The following GABRB3 variants were observed in gnomAD, a reference collection of about 807,000 sequenced individuals.
The protein encoded by GABRB3 is gamma-aminobutyric acid type A receptor subunit beta3.
A neutral mutation model predicts 52.1 loss-of-function variants in GABRB3; 14 were observed. That is an observed-to-expected ratio of 0.27 (90% confidence interval 0.18 to 0.42). The LOEUF (loss-of-function observed/expected upper bound fraction) is 0.42, where lower values mean the gene tolerates loss of function less well. Ranked by LOEUF, GABRB3 falls within the 10% of genes least tolerant of loss-of-function variation. The pLI, the probability that GABRB3 is intolerant of heterozygous loss-of-function variation, is 1.00. For synonymous variants in GABRB3, 260 were observed against 232.3 expected, an observed-to-expected ratio of 1.12 and a Z score of -1.08; for missense variants, 307 against 609.1, an observed-to-expected ratio of 0.50 and a Z score of 5.22.
rs1555400774 is a variant in GABRB3 at position 26,554,041 on chromosome 15, T to TTATATATATATATATATTTA, written c.1081-5908_1081-5907insTAAATATATATATATATATA. ...ACTATTTATATATATATATATTTAT[T>TTATATATATATATATATTTA]TATTTATATTTATTTATATATAAAG... is the stretch of plus-strand genomic sequence containing the variant. On this transcript the variant is annotated intron_variant, in intron 8 of 8. Transcript: ENST00000311550. Among the ~76,000 whole-genome samples the TTATATATATATATATATTTA allele has an allele frequency of 8.1e-5, 5 of 62,106 alleles. 1 individual carries two copies. Among genetic ancestry groups the TTATATATATATATATATTTA allele is most frequent in the Non-Finnish European group, 1.3e-4 (4 of 31,714 alleles). 40.7% of individuals were successfully genotyped at this position (62,106 alleles called of 152,430 possible). A position where few individuals can be genotyped will look rare whatever the true frequency, so the allele number is the denominator to read the frequency against.
At chr15:26,738,213 G>C (rs751342585) in intron 3 of GABRB3, among the ~76,000 whole-genome samples, 77 of 152,220 alleles carry the variant, frequency 5.1e-4, no homozygotes, top group Non-Finnish European at 9.7e-4. Context: ...CTCCCACGTA[G>C]CTGGGACTAC....
chr15:26,697,476 G>A (rs1021688408), intron 3 of GABRB3, among the ~76,000 whole-genome samples: 6 of 152,068 alleles, frequency 3.9e-5, no homozygotes, highest in African/African-American at 1.4e-4. Flanking sequence ...TCCTACCCCT[G>A]CTGAGAGTGG....
chr15:26,664,704 G>GTTTTTTTTTTTTTTTTTTTTTTTTTTGT (rs1162139952), intron 3 of GABRB3, among the ~76,000 whole-genome samples: 1 of 95,224 alleles, frequency 1.1e-5, no homozygotes, highest in Non-Finnish European at 1.9e-5. Context: ...TCTTTTCTTT[G>GTTTTTTTTTTTTTTTTTTTTTTTTTTGT]TTTTTTTTTT....
chr15:26,685,743 C>T (rs1368741834), intron 3 of GABRB3, among the ~76,000 whole-genome samples: 1 of 151,394 alleles, frequency 6.6e-6, no homozygotes, highest in Non-Finnish European at 1.5e-5. Flanking sequence ...TAGGAAAGAC[C>T]CGCAAATGTA....
intron 3 of GABRB3, chr15:26,624,076 T>A (rs1892587753): frequency 6.9e-6 from 3 of 435,952 alleles, no homozygotes; most frequent in South Asian, 1.9e-4. Context: ...TGCAGAGGCC[T>A]CCGAGGAGTG....
At chr15:26,684,822 T>C (rs1162703938) in intron 3 of GABRB3, among the ~76,000 whole-genome samples, 1 of 152,106 alleles carries the variant, frequency 6.6e-6, no homozygotes, top group Non-Finnish European at 1.5e-5. Flanking sequence ...ACAACCACAG[T>C]GGTAAGATCA....
Position 26,621,066 on chromosome 15 carries a change from G to A in GABRB3, c.461+248C>T, listed in dbSNP as rs908187376. ...TGAGGGAATCTGTGTTCTTAGACAT[G>A]GCAATCCAATTATATACAATTGATC... On this transcript the variant is annotated intron_variant, in intron 4 of 8. Coordinates refer to ENST00000311550, the MANE Select transcript of GABRB3 (RefSeq NM_000814.6). This position sits in a 1 kb window ranked among gnomAD's most constrained non-coding sequence, Gnocchi z 4.1. 2.3e-5 allele frequency among the ~76,000 whole-genome samples: 3 copies of A among 131,908 alleles called. No individual in the cohort carries two copies. The highest frequency in any genetic ancestry group is 7.8e-5 in the African/African-American group (3 of 38,518). The allele number at this position is 131,908 out of a possible 152,430, so 86.5% of individuals were successfully genotyped here.
At chr15:26,585,104 C>T (rs1673314376) in intron 4 of GABRB3, among the ~76,000 whole-genome samples, 1 of 152,142 alleles carries the variant, frequency 6.6e-6, no homozygotes, top group African/African-American at 2.4e-5. Context: ...GTAGTTGTGC[C>T]CCAGGCCACA....
intron 3 of GABRB3, among the ~76,000 whole-genome samples, chr15:26,745,304 T>C (rs1464419058): frequency 1.3e-5 from 2 of 152,196 alleles, no homozygotes; most frequent in Non-Finnish European, 2.9e-5. Context: ...ATTTTTTTAA[T>C]TTTGAAAGAA....
At chr15:26,647,922 T>A (rs1887061086) in intron 3 of GABRB3, among the ~76,000 whole-genome samples, 1 of 152,190 alleles carries the variant, frequency 6.6e-6, no homozygotes, top group Non-Finnish European at 1.5e-5. Flanking sequence ...AACTAACGGG[T>A]TACCCTGGTT....
In GABRB3 at chr15:26,592,300, C is replaced by T. The variant is rs182169511; in HGVS notation, c.462-8886G>A. Among the ~76,000 whole-genome samples, 1,089 of 152,318 alleles carry T rather than the reference C, an allele frequency of 7.1e-3. 36 individuals carry two copies. The highest frequency in any genetic ancestry group is 0.063 in the Admixed American group (967 of 15,302). ...CTTCACATTTATATCCTAGAGGCTA[C>T]AGCCTCCAATATGAGAGTGAAACTG... On this transcript the variant is annotated intron_variant, in intron 4 of 8. Transcript: ENST00000311550.
At chr15:26,646,874 T>A (rs11161325) in intron 3 of GABRB3, among the ~76,000 whole-genome samples, 1 of 151,982 alleles carries the variant, frequency 6.6e-6, no homozygotes, top group Non-Finnish European at 1.5e-5. Context: ...GATGGAGTCT[T>A]GCTCTGTCGC....
chr15:26,771,786 G>A (rs1260916181), intron 3 of GABRB3: 1 of 152,330 alleles, frequency 6.6e-6, no homozygotes, highest in Non-Finnish European at 1.5e-5. Flanking sequence ...AGCCCGCCTA[G>A]GCGCGGCCTC....
chr15:26,626,409 CA>C (rs1892697186), intron 3 of GABRB3, among the ~76,000 whole-genome samples: 1 of 152,118 alleles, frequency 6.6e-6, no homozygotes, highest in African/African-American at 2.4e-5. Flanking sequence ...GCCCATCTCT[CA>C]TGGTAAATGA....
chr15:26,720,070 T>A (rs1889602172), intron 3 of GABRB3, among the ~76,000 whole-genome samples: 1 of 152,128 alleles, frequency 6.6e-6, no homozygotes, highest in Admixed American at 6.5e-5. Context: ...ACTGATGACA[T>A]TACCTTGTGA....
chr15:26,580,518 T>TA (rs1471476889), intron 5 of GABRB3, 62 bp from the exon 6 acceptor site: 1 of 1,602,672 alleles, frequency 6.2e-7, no homozygotes, highest in African/African-American at 1.3e-5. Context: ...CACGGCTAAA[T>TA]AAACTATCAT....
At chr15:26,606,803 T>A (rs1302035309) in intron 4 of GABRB3, among the ~76,000 whole-genome samples, 1 of 113,916 alleles carries the variant, frequency 8.8e-6, no homozygotes, top group Non-Finnish European at 1.8e-5. Context: ...GATAGATATA[T>A]CTATAGATAG....
intron 3 of GABRB3, among the ~76,000 whole-genome samples, chr15:26,701,887 G>T (rs10083667): frequency 0.53 from 80,484 of 152,056 alleles, 23,237 homozygotes; most frequent in East Asian, 0.8. Context: ...TATACATGGA[G>T]AGATCAATGA....
chr15:26,573,557 C>T (rs1890486376), intron 6 of GABRB3, among the ~76,000 whole-genome samples: 1 of 152,184 alleles, frequency 6.6e-6, no homozygotes, highest in Non-Finnish European at 1.5e-5. Flanking sequence ...ATTTGGGATA[C>T]TCCTTTTTGA....
Sources: gnomAD v4.1 joint callset for allele counts (sites outside exome capture counted in the v4.1 genomes callset) on GRCh38, gnomAD v4.1.1 for gene constraint, Gnocchi (gnomAD v3.1) non-coding constraint, MANE v1.5 for transcripts, NCBI Gene and HGNC (gene_info 2026-07-23, HGNC 2026-07-21) for gene names.